RELCH: variants seen among roughly 807,000 people sequenced by gnomAD.
RELCH encodes the protein RAB11 binding and LisH domain, coiled-coil and HEAT repeat containing, also known as RAB11-binding protein RELCH.
Under a neutral mutation model 150.3 loss-of-function variants are expected in RELCH, and 41 were observed. The ratio of observed to expected loss-of-function variants is 0.27; its 90% CI spans 0.21 to 0.35. The LOEUF (loss-of-function observed/expected upper bound fraction) is 0.35, where lower values mean the gene tolerates loss of function less well. Among genes scored for constraint, RELCH ranks in the 10% least tolerant of loss-of-function variants. RELCH has a pLI of 1.00. For missense variants in RELCH, 1,092 were observed against 1,467.8 expected (o/e 0.74, Z 4.18); for synonymous variants, 478 against 531.8 (o/e 0.90, Z 1.39).
intron 11 of RELCH, chr18:62,246,484 T>C (rs2042419531): frequency 6.6e-6 from 1 of 152,158 alleles, no homozygotes. Context: ...CTTCCCAAAT[T>C]GGAATTTGCT....
At chr18:62,220,890 C>G in intron 2 of RELCH, 147 bp from the exon 3 acceptor site, 2 of 714,598 alleles carry the variant, frequency 2.8e-6, no homozygotes. Flanking sequence ...TGCATGCGTT[C>G]ACAAGTTTCA....
intron 20 of RELCH, among the ~76,000 whole-genome samples, chr18:62,272,405 A>G (rs1003185617): frequency 3.3e-5 from 5 of 152,150 alleles, no homozygotes; most frequent in Admixed American, 6.6e-5. Flanking sequence ...GCCAAGAACA[A>G]GGTTTGGCTC....
At position 62,258,068 on chromosome 18, in the gene RELCH, G is replaced by C; in HGVS notation, c.2017G>C (p.Asp673His). Residue 673 changes from aspartate to histidine, a missense_variant, in exon 14 of 29, where the codon GAT becomes CAT. By Grantham distance (81) the Asp-to-His change is moderately conservative. Coordinates refer to ENST00000644646, the MANE Select transcript of RELCH (RefSeq NM_001346231.2). ...SLGIIMGYID[D>H]PDKYHQGFEL... ...TGGTATCATTATGGGATACATTGAT[G>C]ATCCAGACAAATATCATCAGGTATG... 1 of 1,601,714 alleles carries C rather than the reference G, an allele frequency of 6.2e-7. No homozygotes were observed. The highest frequency in any genetic ancestry group is 8.5e-7 in the Non-Finnish European group (1 of 1,174,956).
chr18:62,224,302 C>CCT (rs1473527093), intron 5 of RELCH, among the ~76,000 whole-genome samples: 1 of 123,392 alleles, frequency 8.1e-6, no homozygotes, highest in African/African-American at 3.1e-5. Context: ...ATGAACTCAT[C>CCT]TTTTTTACGG....
intron 10 of RELCH, among the ~76,000 whole-genome samples, chr18:62,234,110 A>C (rs2041745803): frequency 6.6e-6 from 1 of 151,952 alleles, no homozygotes; most frequent in South Asian, 2.1e-4. Context: ...TATTTCCTCA[A>C]AATTAAATTG....
chr18:62,298,099 C>G (rs555782997), intron 27 of RELCH, among the ~76,000 whole-genome samples: 2 of 151,376 alleles, frequency 1.3e-5, no homozygotes, highest in Admixed American at 6.6e-5. Context: ...TTTATCCCCC[C>G]CCGTCTAAAA....
chr18:62,219,294 T>A (rs2040683675), intron 2 of RELCH, among the ~76,000 whole-genome samples: 3 of 150,634 alleles, frequency 2.0e-5, no homozygotes, highest in Non-Finnish European at 4.4e-5. Flanking sequence ...TTTCCCAGTT[T>A]GTGTTTTAAC....
At chr18:62,278,888 A>G (rs567340831) in intron 22 of RELCH, among the ~76,000 whole-genome samples, 3 of 152,308 alleles carry the variant, frequency 2.0e-5, no homozygotes, top group African/African-American at 7.2e-5. Flanking sequence ...ATCTAAAACA[A>G]AGACCTATTT....
At chr18:62,242,730 A>C (rs995945587) in intron 10 of RELCH, among the ~76,000 whole-genome samples, 1 of 152,166 alleles carries the variant, frequency 6.6e-6, no homozygotes, top group Non-Finnish European at 1.5e-5. Flanking sequence ...CTCATGATAA[A>C]AAAGCAAAAG....
intron 5 of RELCH, 101 bp from the exon 6 acceptor site, chr18:62,227,188 C>T: frequency 1.3e-6 from 1 of 777,734 alleles, no homozygotes; most frequent in Non-Finnish European, 2.0e-6. Context: ...CACAGCAAAA[C>T]CGATCTTAAA....
intron 11 of RELCH, among the ~76,000 whole-genome samples, chr18:62,250,796 T>C (rs2042663065): frequency 6.6e-6 from 1 of 152,244 alleles, no homozygotes; most frequent in Non-Finnish European, 1.5e-5. Context: ...TTGCAGTTAA[T>C]TTAAATTGAC....
intron 10 of RELCH, among the ~76,000 whole-genome samples, chr18:62,238,558 A>G (rs879852184): frequency 9.2e-5 from 14 of 152,068 alleles, no homozygotes; most frequent in Non-Finnish European, 2.1e-4. Flanking sequence ...TTTGGTAATC[A>G]TACATCAAAA....
chr18:62,212,014 G>C (rs984531509), intron 2 of RELCH, among the ~76,000 whole-genome samples: 1 of 152,130 alleles, frequency 6.6e-6, no homozygotes, highest in African/African-American at 2.4e-5. Context: ...TTAATTGCTT[G>C]GTTGCTAATT....
chr18:62,228,529 G>A lies in RELCH; in HGVS notation c.1379G>A (p.Arg460Lys), dbSNP rs1030161219. 8 of 1,612,906 alleles carry A rather than the reference G, an allele frequency of 5.0e-6. No individual in the cohort carries two copies. Among genetic ancestry groups the A allele is most frequent in the Non-Finnish European group, 6.8e-6 (8 of 1,179,494 alleles). The change falls in exon 8 of 29, where the codon AGA (arginine) becomes AAA (lysine). Residue 460 changes from arginine to lysine, a missense_variant. By Grantham distance (26) the Arg-to-Lys change is conservative. Around this residue, in one of 4 missense-constraint regions of RELCH, gnomAD observed 707 missense variants for 1,025.4 expected, o/e 0.69. Transcript: ENST00000644646. ...KENSPNSFPR[R>K]EREGMPPSSL... ...AATTCCCCAAATTCATTCCCCAGGA[G>A]AGAAAGAGAAGGAATGCCACCTTCT...
rs763987705 is a variant in RELCH at position 62,282,286 on chromosome 18, G to A, written c.3115-20G>A. ...GTTTTCAATATTCTATGAAATGACT[G>A]TACAATATCCAATTTTAAGTTGCTG... On this transcript the variant is annotated intron_variant, in intron 24 of 28. Coordinates refer to ENST00000644646, the MANE Select transcript of RELCH (RefSeq NM_001346231.2). 10 of 1,603,920 alleles carry A rather than the reference G, an allele frequency of 6.2e-6. No individual in the cohort carries two copies. Among genetic ancestry groups the A allele is most frequent in the Non-Finnish European group, 8.5e-6 (10 of 1,171,414 alleles).
intron 1 of RELCH, among the ~76,000 whole-genome samples, chr18:62,191,177 C>T (rs991275066): frequency 6.6e-6 from 1 of 152,118 alleles, no homozygotes; most frequent in Non-Finnish European, 1.5e-5. Context: ...GAGAAACTGC[C>T]AAACTGTTTT....
At chr18:62,263,927 G>GAA in intron 16 of RELCH, 62 bp from the exon 17 acceptor site, 1 of 1,358,080 alleles carries the variant, frequency 7.4e-7, no homozygotes, top group African/African-American at 1.5e-5. Flanking sequence ...CCTTTCAACA[G>GAA]AATATCTAAG....
chr18:62,217,574 A>G (rs1246046192), intron 2 of RELCH, among the ~76,000 whole-genome samples: 1 of 152,000 alleles, frequency 6.6e-6, no homozygotes, highest in Non-Finnish European at 1.5e-5. Flanking sequence ...TGAAAGGAAG[A>G]TGATGAAATC....
In RELCH at chr18:62,267,951, AG is replaced by A. The variant is rs147669643; in HGVS notation, c.2681-916del. 1.8e-4 allele frequency among the ~76,000 whole-genome samples: 28 copies of A among 152,136 alleles called. No homozygotes were observed. In the East Asian group the frequency reaches 5.2e-3, roughly 28 times the overall value. On this transcript the variant is annotated intron_variant, in intron 19 of 28. Coordinates refer to ENST00000644646, the MANE Select transcript of RELCH (RefSeq NM_001346231.2). ...AACATCCACACTCCCTCCCCAAAAA[AG>A]GTACTCTCACCAAGAGAATAAACAA...
Sources: gnomAD v4.1 joint callset for allele counts (sites outside exome capture counted in the v4.1 genomes callset) on GRCh38, gnomAD v4.1.1 for gene constraint, gnomAD v4.1.1 regional missense constraint, MANE v1.5 for transcripts, NCBI Gene and HGNC (gene_info 2026-07-23, HGNC 2026-07-21) for gene names.